SLC38A3: variants seen among roughly 807,000 people sequenced by gnomAD.
SLC38A3 encodes the protein solute carrier family 38 member 3.
In SLC38A3, 17 loss-of-function variants were observed where a neutral mutation model predicts 59.5. The observed-to-expected ratio is 0.29, with a 90% confidence interval of 0.20 to 0.43. The LOEUF is 0.43. SLC38A3 is among the 20% of genes least tolerant of loss of function. The probability of loss-of-function intolerance (pLI) is 1.00; values close to 1 mark genes in which losing one functional copy is unlikely to be tolerated. For synonymous variants in SLC38A3, 238 were observed against 260.3 expected (o/e 0.91, Z 0.82); for missense variants, 454 against 653.9 (o/e 0.69, Z 3.33).
rs1699881565 is a variant in SLC38A3 at position 50,220,421 on chromosome 3, C to T, written c.*244C>T. 3.8e-6 allele frequency: 2 copies of T among 531,844 alleles called. No individual in the cohort carries two copies. The highest frequency in any genetic ancestry group is 1.9e-5 in the African/African-American group (1 of 52,448). The allele number at this position is 531,844 out of a possible 1,614,324, so 32.9% of individuals were successfully genotyped here. ...TTCCTGAACTGGGAGCAGGGTAGGG[C>T]TGTCGCCTTAGATCCCGCCCAAGCC... On this transcript the variant is annotated 3_prime_UTR_variant, in exon 16 of 16. Transcript: ENST00000614032.
rs1182513294 is a variant in SLC38A3 at position 50,217,591 on chromosome 3, G to A, written c.691-85G>A. On this transcript the variant is annotated intron_variant, in intron 9 of 15. Coordinates refer to ENST00000614032, the MANE Select transcript of SLC38A3 (RefSeq NM_006841.6). This position sits in a 1 kb window ranked among gnomAD's most constrained non-coding sequence, Gnocchi z 4.9. The stretch of plus-strand genomic sequence containing the variant: ...CCTGGGCCAGAAGGCAGCTCCACCA[G>A]TCCTGATCTAGATGTGGCTTCATGG... 3 of 1,588,772 alleles carry A rather than the reference G, an allele frequency of 1.9e-6. No homozygotes were observed. The highest frequency in any genetic ancestry group is 2.7e-5 in the African/African-American group (2 of 74,150).
rs776797348 is a variant in SLC38A3 at position 50,215,344 on chromosome 3, C to A, written c.300-42C>A. 1.3e-6 allele frequency: 2 copies of A among 1,588,114 alleles called. No homozygotes were observed. The highest frequency in any genetic ancestry group is 2.2e-5 in the South Asian group (2 of 90,390). ...CACCCTCTGCCAGCCACGGTAGCCC[C>A]CCAGTGGCCTCTTTTTCTTCCATCT... On this transcript the variant is annotated intron_variant, in intron 4 of 15. Transcript: ENST00000614032. This position sits in a 1 kb window ranked among gnomAD's most constrained non-coding sequence, Gnocchi z 7.1.
Position 50,220,240 on chromosome 3 carries a change from G to C in SLC38A3, c.*63G>C. On this transcript the variant is annotated 3_prime_UTR_variant, in exon 16 of 16. Coordinates refer to ENST00000614032, the MANE Select transcript of SLC38A3 (RefSeq NM_006841.6). ...GCCCTGCCCAGACTCTTCAGCCCCT[G>C]CTCCCATCCAGTGGCCAGTCGGGGG... is the stretch of plus-strand genomic sequence containing the variant. 2.3e-6 allele frequency: 3 copies of C among 1,306,458 alleles called. No homozygotes were observed. The highest frequency in any genetic ancestry group is 3.9e-5 in the Admixed American group (2 of 50,648). The allele number at this position is 1,306,458 out of a possible 1,614,324, so 80.9% of individuals were successfully genotyped here.
chr3:50,213,138 T>C (rs1200849988), intron 1 of SLC38A3, among the ~76,000 whole-genome samples: 1 of 152,084 alleles, frequency 6.6e-6, no homozygotes, highest in Non-Finnish European at 1.5e-5. Context: ...GGAGAGCTGG[T>C]TCCTTTGAGG....
chr3:50,214,091 G>A lies in SLC38A3; in HGVS notation c.-51-58G>A. 2.0e-6 allele frequency: 2 copies of A among 991,368 alleles called. No homozygotes were observed. The highest frequency in any genetic ancestry group is 2.6e-5 in the East Asian group (1 of 38,512). 61.4% of individuals were successfully genotyped at this position (991,368 alleles called of 1,614,324 possible). ...TGCTATGGCTGCAGGCCTCAGGTAG[G>A]AGGCTAGGCCGTAGGCCCAAGTAAC... On this transcript the variant is annotated intron_variant, in intron 1 of 15. Coordinates refer to ENST00000614032, the MANE Select transcript of SLC38A3 (RefSeq NM_006841.6). The surrounding 1 kb of genome is among the most constrained non-coding windows in gnomAD (Gnocchi z 6.0).
chr3:50,207,907 T>C (rs1251191983), intron 1 of SLC38A3: 1 of 152,362 alleles, frequency 6.6e-6, no homozygotes, highest in Non-Finnish European at 1.5e-5. Flanking sequence ...CGTGCATGGC[T>C]GCTGGGAATG....
At chr3:50,212,538 A>T (rs767059619) in intron 1 of SLC38A3, among the ~76,000 whole-genome samples, 1 of 152,100 alleles carries the variant, frequency 6.6e-6, no homozygotes. Context: ...CTGGGAGGAG[A>T]GGAGGTAAGA....
intron 14 of SLC38A3, 131 bp downstream of exon 14, chr3:50,219,079 C>A: frequency 8.5e-7 from 1 of 1,181,104 alleles, no homozygotes; most frequent in Admixed American, 2.3e-5. Flanking sequence ...GGCCTTCCAT[C>A]TGAGCTTTTG....
Position 50,218,920 on chromosome 3 carries a change from C to T in SLC38A3, c.1278C>T (p.Pro426=), listed in dbSNP as rs1429360876. 1 of 1,612,656 alleles carries T rather than the reference C, an allele frequency of 6.2e-7. No individual in the cohort carries two copies. Residue 426 remains proline (P), a synonymous_variant, in exon 14 of 16, where the codon CCC becomes CCT. Coordinates refer to ENST00000614032, the MANE Select transcript of SLC38A3 (RefSeq NM_006841.6). This position sits in a 1 kb window ranked among gnomAD's most constrained non-coding sequence, Gnocchi z 5.8. ...TCAACCTGCTGGTCATCTTTGCCCCCAACATCCTGGGCATCTTTGGGGTCA... is the reference window on the plus strand; with the variant it reads ...TCAACCTGCTGGTCATCTTTGCCCCTAACATCCTGGGCATCTTTGGGGTCA... ...TCINLLVIFA[P]NILGIFGVIG...
In SLC38A3 at chr3:50,215,040, C is replaced by T; in HGVS notation, c.299+272C>T. 1.7e-6 allele frequency: 1 copy of T among 574,582 alleles called. No individual in the cohort carries two copies. The highest frequency in any genetic ancestry group is 3.1e-6 in the Non-Finnish European group (1 of 322,760). 35.6% of individuals were successfully genotyped at this position (574,582 alleles called of 1,614,324 possible). On this transcript the variant is annotated intron_variant, in intron 4 of 15. Coordinates refer to ENST00000614032, the MANE Select transcript of SLC38A3 (RefSeq NM_006841.6). This position sits in a 1 kb window ranked among gnomAD's most constrained non-coding sequence, Gnocchi z 7.1. ...ACACGTGATGGCCAAGCCCCACGGC[C>T]AGGCCTTGTGTGGGCACACGTGTCC...
Position 50,215,454 on chromosome 3 carries a change from T to G in SLC38A3, c.368T>G (p.Val123Gly). Residue 123 changes from valine to glycine, a missense_variant, in exon 5 of 16, where the codon GTC becomes GGC. By Grantham distance (109) the Val-to-Gly change is moderately radical (BLOSUM62 -3). This residue lies in a region of SLC38A3 where 390 missense variants were observed against 557.9 expected (regional missense o/e 0.70). Transcript: ENST00000614032. This position sits in a 1 kb window ranked among gnomAD's most constrained non-coding sequence, Gnocchi z 7.1. ...SIHLLLKSSG[V>G]VGIRAYEQLG... ...CACCTGCTACTCAAGTCCTCAGGGG[T>G]CGTGGGTGAGCCTCACACCAGCCTG... 1 of 1,613,848 alleles carries G rather than the reference T, an allele frequency of 6.2e-7. No individual in the cohort carries two copies.
Position 50,220,524 on chromosome 3 carries a change from T to C in SLC38A3, c.*347T>C. 3.3e-6 allele frequency: 1 copy of C among 301,616 alleles called. No individual in the cohort carries two copies. The highest frequency in any genetic ancestry group is 3.9e-5 in the South Asian group (1 of 25,712). 18.7% of individuals were successfully genotyped at this position (301,616 alleles called of 1,614,324 possible). A position where few individuals can be genotyped will look rare whatever the true frequency, so the allele number is the denominator to read the frequency against. ...TGAGGTGACACAGCCTGTAGGAACA[T>C]ACACAGCTGGGATCAGCCTGCAGCC... is the stretch of plus-strand genomic sequence containing the variant. On this transcript the variant is annotated 3_prime_UTR_variant, in exon 16 of 16. Coordinates refer to ENST00000614032, the MANE Select transcript of SLC38A3 (RefSeq NM_006841.6).
At position 50,205,332 on chromosome 3, in the gene SLC38A3, C is replaced by G. The variant is rs118160556; in HGVS notation, c.-68C>G. On this transcript the variant is annotated 5_prime_UTR_variant, in exon 1 of 16. Transcript: ENST00000614032. ...CGGCCCGAGCGGAGCGCCGCACGTT[C>G]CCAACCGCGAGGCCAGGTACCGCTT... 0.053 allele frequency: 8,115 copies of G among 152,090 alleles called. 1,538 individuals carry two copies. The East Asian group carries it at 0.6, about 11-fold the overall frequency. 9.4% of individuals were successfully genotyped at this position (152,090 alleles called of 1,614,324 possible).
At chr3:50,213,754 G>A (rs1295162399) in intron 1 of SLC38A3, among the ~76,000 whole-genome samples, 1 of 152,228 alleles carries the variant, frequency 6.6e-6, no homozygotes, top group Non-Finnish European at 1.5e-5. Context: ...AGGAGGAGAA[G>A]TCTGTCCTGG....
intron 1 of SLC38A3, among the ~76,000 whole-genome samples, chr3:50,210,028 C>T (rs1699702305): frequency 6.6e-6 from 1 of 152,184 alleles, no homozygotes; most frequent in Non-Finnish European, 1.5e-5. Flanking sequence ...TGCTTTGTCC[C>T]TAGACCCCTG....
chr3:50,217,561 G>T lies in SLC38A3; in HGVS notation c.690+88G>T, dbSNP rs1355373747. The T allele has an allele frequency of 2.5e-6, 4 of 1,578,226 alleles. No individual in the cohort carries two copies. The African/African-American group carries it at 5.4e-5, about 21-fold the overall frequency. On this transcript the variant is annotated intron_variant, in intron 9 of 15. Transcript: ENST00000614032. The surrounding 1 kb of genome is among the most constrained non-coding windows in gnomAD (Gnocchi z 4.9). Reference sequence around the variant, plus strand: ...CATCAGGAGGGGGCAGGTGTCTCTGGGAAGCCTGGGCCAGAAGGCAGCTCC... The same window carrying T: ...CATCAGGAGGGGGCAGGTGTCTCTGTGAAGCCTGGGCCAGAAGGCAGCTCC...
At position 50,218,409 on chromosome 3, in the gene SLC38A3, G is replaced by T. The variant is rs1296755089; in HGVS notation, c.1036+39G>T. The T allele has an allele frequency of 2.6e-6, 4 of 1,540,852 alleles. No homozygotes were observed. Among genetic ancestry groups the T allele is most frequent in the Admixed American group, 3.3e-5 (2 of 59,904 alleles). On this transcript the variant is annotated intron_variant, in intron 12 of 15. Transcript: ENST00000614032. This position sits in a 1 kb window ranked among gnomAD's most constrained non-coding sequence, Gnocchi z 5.8. ...GGTGGGCAGAGGCCTAGGCTAGGCT[G>T]GGGGGAAGGGGCTGGTTGTGGCCAT...
rs1202195235 is a variant in SLC38A3 at position 50,218,437 on chromosome 3, T to C, written c.1036+67T>C. On this transcript the variant is annotated intron_variant, in intron 12 of 15. Coordinates refer to ENST00000614032, the MANE Select transcript of SLC38A3 (RefSeq NM_006841.6). This position sits in a 1 kb window ranked among gnomAD's most constrained non-coding sequence, Gnocchi z 5.8. Reference sequence around the variant, plus strand: ...GGGAAGGGGCTGGTTGTGGCCATGGTGCCCTCCATACCGAGGCGTGTGGTG... The same window carrying C: ...GGGAAGGGGCTGGTTGTGGCCATGGCGCCCTCCATACCGAGGCGTGTGGTG... 1 of 1,519,898 alleles carries C rather than the reference T, an allele frequency of 6.6e-7. No individual in the cohort carries two copies. The highest frequency in any genetic ancestry group is 1.4e-5 in the African/African-American group (1 of 73,178). The allele number at this position is 1,519,898 out of a possible 1,614,324, so 94.2% of individuals were successfully genotyped here.
At position 50,220,380 on chromosome 3, in the gene SLC38A3, C is replaced by G. The variant is rs1699881023; in HGVS notation, c.*203C>G. The G allele has an allele frequency of 1.7e-6, 1 of 581,238 alleles. No individual in the cohort carries two copies. 36.0% of individuals were successfully genotyped at this position (581,238 alleles called of 1,614,324 possible). On this transcript the variant is annotated 3_prime_UTR_variant, in exon 16 of 16. Transcript: ENST00000614032. ...CCTTGGGCCACTACCCTGCTAGGCT[C>G]TGGAGCTGTAGAGGCTTCCTGAACT...
Sources: allele counts gnomAD v4.1 joint callset (sites outside exome capture counted in the v4.1 genomes callset), GRCh38; gene constraint gnomAD v4.1.1; regional missense constraint gnomAD v4.1.1; non-coding constraint Gnocchi (gnomAD v3.1); transcripts MANE v1.5; gene names NCBI Gene and HGNC (gene_info 2026-07-23, HGNC 2026-07-21).